Variants in TULP4 observed in about 807,000 individuals in gnomAD.
TULP4 encodes tubby-related protein 4.
Under a neutral mutation model 129.0 loss-of-function variants are expected in TULP4, and 16 were observed. That is an observed-to-expected ratio of 0.12 (90% CI 0.08 to 0.19). The LOEUF (loss-of-function observed/expected upper bound fraction) is 0.19. Ranked by LOEUF, TULP4 falls within the 10% of genes least tolerant of loss-of-function variation. TULP4 has a pLI of 1.00. For missense variants in TULP4, 1,842 were observed against 2,059.1 expected, an observed-to-expected ratio of 0.89 and a Z score of 2.04; for synonymous variants, 998 against 854.0, an observed-to-expected ratio of 1.17 and a Z score of -2.94.
intron 3 of TULP4, among the ~76,000 whole-genome samples, chr6:158,441,931 A>G (rs1214016998): frequency 6.6e-6 from 1 of 152,172 alleles, no homozygotes; most frequent in East Asian, 1.9e-4. Context: ...GTGAGAGAGT[A>G]GGGGCCTAAT....
intron 1 of TULP4, among the ~76,000 whole-genome samples, chr6:158,342,471 G>A (rs1780204075): frequency 6.6e-6 from 1 of 152,112 alleles, no homozygotes; most frequent in African/African-American, 2.4e-5. Context: ...GGTTGTCTCT[G>A]GAAGGAAAAA....
chr6:158,279,719 TTCC>T (rs904829578), upstream of TULP4, among the ~76,000 whole-genome samples: 3 of 152,204 alleles, frequency 2.0e-5, no homozygotes, highest in Non-Finnish European at 4.4e-5. Context: ...CTTGGCCTCT[TTCC>T]TCCTCCTCCC....
intron 1 of TULP4, among the ~76,000 whole-genome samples, chr6:158,235,516 C>T (rs1161451049): frequency 6.6e-6 from 1 of 152,084 alleles, no homozygotes; most frequent in Non-Finnish European, 1.5e-5. Context: ...TCCTTTTGTT[C>T]TTGCTGTTGT....
intron 1 of TULP4, among the ~76,000 whole-genome samples, chr6:158,366,983 C>T (rs1407682320): frequency 5.3e-5 from 8 of 152,298 alleles, no homozygotes; most frequent in Non-Finnish European, 8.8e-5. Context: ...GTATTGTGGC[C>T]TCTGCAGAAG....
chr6:158,301,493 G>A (rs531977879), intron 1 of TULP4, among the ~76,000 whole-genome samples: 8 of 152,030 alleles, frequency 5.3e-5, no homozygotes, highest in East Asian at 1.9e-4. Context: ...CCTGAACTTC[G>A]AGTTGATTTA....
At chr6:158,278,114 C>T (rs57288246), upstream of TULP4, among the ~76,000 whole-genome samples, 1 of 152,216 alleles carries the variant, frequency 6.6e-6, no homozygotes, top group Non-Finnish European at 1.5e-5. Flanking sequence ...CACGGAATAA[C>T]TGGGCTTCAA....
At chr6:158,250,029 T>G (rs1188918114) in intron 1 of TULP4, among the ~76,000 whole-genome samples, 1 of 152,204 alleles carries the variant, frequency 6.6e-6, no homozygotes, top group Non-Finnish European at 1.5e-5. Context: ...TGGAGTACAG[T>G]GGCACAATCA....
chr6:158,439,221 A>G (rs745804498), intron 3 of TULP4, among the ~76,000 whole-genome samples: 2 of 152,188 alleles, frequency 1.3e-5, no homozygotes, highest in Non-Finnish European at 2.9e-5. Flanking sequence ...AATATCAACT[A>G]ACACATAGAA....
chr6:158,321,970 C>G (rs1000777916), intron 1 of TULP4, among the ~76,000 whole-genome samples: 1 of 152,104 alleles, frequency 6.6e-6, no homozygotes, highest in African/African-American at 2.4e-5. Flanking sequence ...CTCCTAGTAC[C>G]ATTGTCTGAT....
At chr6:158,238,120 G>T (rs1777756651) in intron 1 of TULP4, 2 of 738,460 alleles carry the variant, frequency 2.7e-6, no homozygotes, top group South Asian at 1.4e-5. Context: ...ACCATGCCTG[G>T]TTTCTGCTTT....
At chr6:158,381,752 T>G (rs1777330888) in intron 1 of TULP4, among the ~76,000 whole-genome samples, 1 of 152,212 alleles carries the variant, frequency 6.6e-6, no homozygotes, top group Admixed American at 6.5e-5. Context: ...TATTTATTCT[T>G]CAGTAATGAC....
chr6:158,508,619 C>G lies in TULP4; in HGVS notation c.*1925C>G, dbSNP rs1780657437. The G allele has an allele frequency of 6.6e-6, 1 of 152,570 alleles. No homozygotes were observed. Among genetic ancestry groups the G allele is most frequent in the South Asian group, 2.1e-4 (1 of 4,824 alleles). The allele number at this position is 152,570 out of a possible 1,614,324, so 9.5% of individuals were successfully genotyped here. A position where few individuals can be genotyped will look rare whatever the true frequency, so the allele number is the denominator to read the frequency against. On this transcript the variant is annotated 3_prime_UTR_variant, in exon 14 of 14. Transcript: ENST00000367097. The stretch of plus-strand genomic sequence containing the variant: ...AATTCTTTTATATGAGTTTATGTAG[C>G]TTGATATGGTGTTTCAGTGCTTATT...
chr6:158,267,591 C>T (rs1467749391), intron 1 of TULP4, among the ~76,000 whole-genome samples: 1 of 152,194 alleles, frequency 6.6e-6, no homozygotes, highest in East Asian at 1.9e-4. Flanking sequence ...GCAGCCATCT[C>T]ATAGTAAATC....
chr6:158,244,251 G>C (rs1777983870), intron 1 of TULP4, among the ~76,000 whole-genome samples: 1 of 152,004 alleles, frequency 6.6e-6, no homozygotes. Context: ...GGTTCGTCCT[G>C]TATACTTTCT....
At chr6:158,468,900 A>T (rs1222169034) in intron 6 of TULP4, among the ~76,000 whole-genome samples, 2 of 152,172 alleles carry the variant, frequency 1.3e-5, no homozygotes, top group Non-Finnish European at 2.9e-5. Context: ...CACTAATCCC[A>T]TCGTGAGGGT....
chr6:158,359,955 C>T (rs1200790109), intron 1 of TULP4, among the ~76,000 whole-genome samples: 1 of 152,078 alleles, frequency 6.6e-6, no homozygotes, highest in Non-Finnish European at 1.5e-5. Context: ...TCCTTTGTAA[C>T]TCTGAAGGGC....
chr6:158,485,835 A>G (rs945506890), intron 8 of TULP4, among the ~76,000 whole-genome samples: 35 of 152,222 alleles, frequency 2.3e-4, no homozygotes, highest in Admixed American at 1.3e-4. Context: ...TCGTACTTCC[A>G]GTGTCTCCTT....
chr6:158,444,219 C>CAAAAAA lies in TULP4; in HGVS notation c.544-4755_544-4750dup, dbSNP rs71030171. 1.6e-3 allele frequency among the ~76,000 whole-genome samples: 53 copies of CAAAAAA among 34,132 alleles called. 12 individuals are homozygous for CAAAAAA. The highest frequency in any genetic ancestry group is 5.7e-3 in the African/African-American group (50 of 8,716). The allele number at this position is 34,132 out of a possible 152,430, so 22.4% of individuals were successfully genotyped here. A position where few individuals can be genotyped will look rare whatever the true frequency, so the allele number is the denominator to read the frequency against. On this transcript the variant is annotated intron_variant, in intron 3 of 13. Transcript: ENST00000367097. ...TGGGCGACAGAGCAAGACTCTGTCT[C>CAAAAAA]AAAAAAAAAAAAAAAAAAAAAAAAA...
At chr6:158,311,502 T>A (rs3812100), upstream of TULP4, among the ~76,000 whole-genome samples, 131,907 of 152,238 alleles carry the variant, frequency 0.87, 57,518 homozygotes, top group Admixed American at 0.92. Flanking sequence ...ACTTTATTGC[T>A]GGTAGACCAC....
Sources: gnomAD v4.1 joint callset for allele counts (sites outside exome capture counted in the v4.1 genomes callset) on GRCh38, gnomAD v4.1.1 for gene constraint, MANE v1.5 for transcripts, NCBI Gene and HGNC (gene_info 2026-07-23, HGNC 2026-07-21) for gene names.